Variants in LARP4 observed in about 807,000 individuals in gnomAD.
LARP4 encodes the protein la-related protein 4.
In LARP4, 29 loss-of-function variants were observed where a neutral mutation model predicts 92.9. That is an observed-to-expected ratio of 0.31 (90% CI 0.23 to 0.43). LARP4 has a LOEUF of 0.43. Among genes scored for constraint, LARP4 ranks in the 20% least tolerant of loss-of-function variants. The probability of loss-of-function intolerance (pLI) is 1.00; values close to 1 mark genes in which losing one functional copy is unlikely to be tolerated. For missense variants in LARP4, 732 were observed against 860.0 expected, an observed-to-expected ratio of 0.85 and a Z score of 1.86; for synonymous variants, 279 against 284.1, an observed-to-expected ratio of 0.98 and a Z score of 0.18.
chr12:50,473,241 C>CT (rs1440110235), intron 13 of LARP4, among the ~76,000 whole-genome samples, 174 bp from the exon 14 acceptor site: 2 of 152,030 alleles, frequency 1.3e-5, no homozygotes, highest in South Asian at 2.1e-4. Context: ...TAATGTTTGT[C>CT]TTTTTTTTAA....
In LARP4 at chr12:50,461,946, C is replaced by T. The variant is rs142444455; in HGVS notation, c.1334+599C>T. Among the ~76,000 whole-genome samples, 682 of 151,904 alleles carry T rather than the reference C, an allele frequency of 4.5e-3. 6 individuals are homozygous for T. The highest frequency in any genetic ancestry group is 0.015 in the African/African-American group (638 of 41,424). On this transcript the variant is annotated intron_variant, in intron 11 of 15. Transcript: ENST00000398473. ...GCATTCCAGCCTGGGTGACAGAGCG[C>T]GACTCTGTCTCAAAATATAAATAAA...
chr12:50,426,684 G>GGGGGGGGTGTGTGT (rs774548049), intron 1 of LARP4, among the ~76,000 whole-genome samples: 1 of 86,170 alleles, frequency 1.2e-5, no homozygotes, highest in African/African-American at 5.0e-5. Flanking sequence ...TTATGTTTGG[G>GGGGGGGGTGTGTGT]GTGTGTGTGT....
chr12:50,452,209 G>A (rs1953335963), intron 8 of LARP4, among the ~76,000 whole-genome samples: 1 of 152,032 alleles, frequency 6.6e-6, no homozygotes, highest in Non-Finnish European at 1.5e-5. Flanking sequence ...GGATCATACG[G>A]TACTTCTATT....
intron 6 of LARP4, 29 bp downstream of exon 6, chr12:50,437,867 A>G (rs757173046): frequency 1.2e-5 from 16 of 1,352,836 alleles, no homozygotes; most frequent in Admixed American, 5.6e-5. Context: ...TTAACACTAA[A>G]TGTTCTCTGT....
At chr12:50,420,331 A>G (rs1947518478) in intron 1 of LARP4, among the ~76,000 whole-genome samples, 1 of 152,246 alleles carries the variant, frequency 6.6e-6, no homozygotes, top group Admixed American at 6.5e-5. Context: ...CCAAAATGGA[A>G]AATAGGAAAA....
intron 1 of LARP4, among the ~76,000 whole-genome samples, chr12:50,401,650 T>C (rs1277941653): frequency 6.6e-6 from 1 of 152,146 alleles, no homozygotes; most frequent in Non-Finnish European, 1.5e-5. Flanking sequence ...CTTTGACCTT[T>C]TGTAAAAGTT....
At position 50,430,525 on chromosome 12, in the gene LARP4, A is replaced by T. The variant is rs1473413238; in HGVS notation, c.353A>T (p.Asp118Val). The change falls in exon 4 of 16, where the codon GAC (aspartate) becomes GTC (valine). Residue 118 changes from aspartate to valine, a missense_variant. Transcript: ENST00000398473. ...AGCAATTCAGCAGTTTCTACAGAAG[A>T]CCTAAAAGAATGTCTGAAGAAACAA... ...GESNSAVSTE[D>V]LKECLKKQLE... is the part of the protein sequence containing the mutation. 1 of 1,607,770 alleles carries T rather than the reference A, an allele frequency of 6.2e-7. No homozygotes were observed. Among genetic ancestry groups the T allele is most frequent in the Non-Finnish European group, 8.5e-7 (1 of 1,175,828 alleles).
At position 50,435,539 on chromosome 12, in the gene LARP4, G is replaced by T. The variant is rs750812094; in HGVS notation, c.450G>T (p.Gln150His). Reference protein sequence around the residue: ...LYLISQMDSDQFIPIWTVANM... With the variant: ...LYLISQMDSDHFIPIWTVANM... ...TGATATCTCAAATGGATAGTGATCA[G>T]TTCATCCCAATTTGGACAGTTGCCA... The change falls in exon 5 of 16, where the codon CAG (glutamine) becomes CAT (histidine). Residue 150 changes from glutamine to histidine, a missense_variant. This residue lies in a region of LARP4 where 236 missense variants were observed against 307.6 expected (regional missense o/e 0.77). Coordinates refer to ENST00000398473, the MANE Select transcript of LARP4 (RefSeq NM_052879.5). 9.4e-6 allele frequency: 15 copies of T among 1,594,730 alleles called. No homozygotes were observed. The South Asian group carries it at 1.7e-4, about 18-fold the overall frequency.
intron 15 of LARP4, among the ~76,000 whole-genome samples, 158 bp from the exon 16 acceptor site, chr12:50,475,368 G>T (rs975741095): frequency 6.6e-6 from 1 of 152,126 alleles, no homozygotes; most frequent in African/African-American, 2.4e-5. Context: ...AATAAATAAA[G>T]ATTGTACCAG....
chr12:50,455,293 C>T (rs1388586635), intron 10 of LARP4, among the ~76,000 whole-genome samples: 2 of 152,132 alleles, frequency 1.3e-5, no homozygotes, highest in African/African-American at 4.8e-5. Context: ...TCTTGAACTC[C>T]TGGGCTCAAA....
intron 1 of LARP4, among the ~76,000 whole-genome samples, chr12:50,426,529 A>C (rs1481490213): frequency 1.3e-5 from 2 of 152,102 alleles, no homozygotes; most frequent in African/African-American, 4.8e-5. Flanking sequence ...ACAATAATAA[A>C]GATGACTGAA....
chr12:50,424,570 C>T (rs1380023617), intron 1 of LARP4, among the ~76,000 whole-genome samples: 1 of 151,908 alleles, frequency 6.6e-6, no homozygotes, highest in African/African-American at 2.4e-5. Flanking sequence ...GTTGGTCAGG[C>T]TGGTCTCGAA....
At chr12:50,424,991 A>G (rs1948488098) in intron 1 of LARP4, among the ~76,000 whole-genome samples, 1 of 152,000 alleles carries the variant, frequency 6.6e-6, no homozygotes, top group African/African-American at 2.4e-5. Flanking sequence ...TACTAAAAAC[A>G]CAAAAATTTG....
chr12:50,467,286 G>T (rs1317559724), intron 13 of LARP4, among the ~76,000 whole-genome samples, 166 bp downstream of exon 13: 1 of 150,766 alleles, frequency 6.6e-6, no homozygotes, highest in Non-Finnish European at 1.5e-5. Flanking sequence ...TCATGATGAA[G>T]CTGCACAAAG....
At chr12:50,416,607 C>A (rs1306806591) in intron 1 of LARP4, among the ~76,000 whole-genome samples, 1 of 152,028 alleles carries the variant, frequency 6.6e-6, no homozygotes, top group Admixed American at 6.6e-5. Context: ...TCCCTAGAGC[C>A]TGGGAGGCAG....
intron 1 of LARP4, among the ~76,000 whole-genome samples, chr12:50,406,344 C>G (rs898770010): frequency 1.5e-5 from 2 of 137,498 alleles, no homozygotes; most frequent in Admixed American, 1.6e-4. Context: ...AAAAAATTAG[C>G]CAGGCCTGGT....
chr12:50,441,716 AGATAAT>A, intron 8 of LARP4, 73 bp downstream of exon 8: 1 of 1,174,010 alleles, frequency 8.5e-7, no homozygotes, highest in Non-Finnish European at 1.2e-6. Flanking sequence ...AAATACAGAC[AGATAAT>A]ATTTTATAAA....
chr12:50,418,460 A>T (rs1347192665), intron 1 of LARP4, among the ~76,000 whole-genome samples: 1 of 152,242 alleles, frequency 6.6e-6, no homozygotes, highest in African/African-American at 2.4e-5. Context: ...TTGAAATATT[A>T]TGAATTAGCT....
At chr12:50,417,191 C>T (rs568984459) in intron 1 of LARP4, among the ~76,000 whole-genome samples, 3 of 151,916 alleles carry the variant, frequency 2.0e-5, no homozygotes, top group East Asian at 1.9e-4. Flanking sequence ...GGGTGGATAA[C>T]GAGGTCAGGA....
Sources: gnomAD v4.1 joint callset for allele counts (sites outside exome capture counted in the v4.1 genomes callset) on GRCh38, gnomAD v4.1.1 for gene constraint, gnomAD v4.1.1 regional missense constraint, MANE v1.5 for transcripts, NCBI Gene and HGNC (gene_info 2026-07-23, HGNC 2026-07-21) for gene names.